PLCH2: variants seen among roughly 807,000 people sequenced by gnomAD.
PLCH2 encodes the protein 1-phosphatidylinositol 4,5-bisphosphate phosphodiesterase eta-2.
Under a neutral mutation model 134.7 loss-of-function variants are expected in PLCH2, and 98 were observed. That is an observed-to-expected ratio of 0.73 (90% CI 0.62 to 0.86). The LOEUF is 0.86. Ranked by LOEUF, PLCH2 falls within the 40% of genes least tolerant of loss-of-function variation. PLCH2 has a pLI of 0.00. For synonymous variants in PLCH2, 974 were observed against 827.5 expected (o/e 1.18, Z -3.04); for missense variants, 1,994 against 1,986.6 (o/e 1.00, Z -0.07).
At position 2,448,926 on chromosome 1, in the gene PLCH2, G is replaced by A. The variant is rs553397279; in HGVS notation, c.115+18297G>A. 1.4e-4 allele frequency among the ~76,000 whole-genome samples: 22 copies of A among 152,314 alleles called. No individual in the cohort carries two copies. The South Asian group carries it at 4.6e-3, about 32-fold the overall frequency. ...GGCACCTGGGGCCTCCAGAATGCTC[G>A]TTTCGTCAAACTGTTGTACGTGGCT... is the stretch of plus-strand genomic sequence containing the variant. On this transcript the variant is annotated intron_variant, in intron 2 of 3. Transcript: ENST00000609981. The surrounding 1 kb of genome is among the most constrained non-coding windows in gnomAD (Gnocchi z 4.0).
At chr1:2,494,826 A>C in intron 11 of PLCH2, 30 bp from the exon 12 acceptor site, 1 of 1,510,236 alleles carries the variant, frequency 6.6e-7, no homozygotes, top group African/African-American at 1.4e-5. Flanking sequence ...GGCTAGACTC[A>C]CCTTGTCCCT....
At chr1:2,464,006 C>T (rs1557975600), upstream of PLCH2, among the ~76,000 whole-genome samples, 1 of 152,270 alleles carries the variant, frequency 6.6e-6, no homozygotes, top group Non-Finnish European at 1.5e-5. Context: ...CTGGAACACA[C>T]TCAGGGCACC....
At chr1:2,422,082 C>T (rs1638545624), upstream of PLCH2, among the ~76,000 whole-genome samples, 1 of 151,826 alleles carries the variant, frequency 6.6e-6, no homozygotes, top group African/African-American at 2.4e-5. Flanking sequence ...ACCATCCTGG[C>T]CAACATGGAA....
At chr1:2,419,113 G>T in the PLCH2 span, among the ~76,000 whole-genome samples, 1 of 152,190 alleles carries the variant, frequency 6.6e-6, no homozygotes, top group African/African-American at 2.4e-5. Context: ...CCATCTGTCT[G>T]CCCAGCTCCT....
chr1:2,418,463 A>T, the PLCH2 span, among the ~76,000 whole-genome samples: 1 of 152,094 alleles, frequency 6.6e-6, no homozygotes, highest in Non-Finnish European at 1.5e-5. Context: ...TGCTAGAAGG[A>T]GGGGCCCCGG....
upstream of PLCH2, among the ~76,000 whole-genome samples, chr1:2,472,415 G>A (rs10910080): frequency 0.34 from 51,036 of 152,134 alleles, 10,321 homozygotes; most frequent in East Asian, 0.61. Context: ...GGGGCAGCAC[G>A]GGAGGGGGAT....
At position 2,497,443 on chromosome 1, in the gene PLCH2, C is replaced by T. The variant is rs541107303; in HGVS notation, c.2117-59C>T. 4.7e-5 allele frequency: 47 copies of T among 1,001,406 alleles called. No homozygotes were observed. In the South Asian group the frequency reaches 5.2e-4, roughly 11 times the overall value. 62.0% of individuals were successfully genotyped at this position (1,001,406 alleles called of 1,614,324 possible). On this transcript the variant is annotated intron_variant, in intron 15 of 21. Coordinates refer to ENST00000378486, the MANE Select transcript of PLCH2 (RefSeq NM_014638.4). Reference sequence around the variant, plus strand: ...AGGCTAGCGTGTGGTGGTGGGTGGGCGGGGCACACACCTGGAAGGTCAGGT... The same window carrying T: ...AGGCTAGCGTGTGGTGGTGGGTGGGTGGGGCACACACCTGGAAGGTCAGGT...
chr1:2,432,370 G>T (rs771170987), intron 2 of PLCH2, among the ~76,000 whole-genome samples: 1 of 152,196 alleles, frequency 6.6e-6, no homozygotes, highest in Non-Finnish European at 1.5e-5. Context: ...GTTGGGGGCC[G>T]TGGGACAGCA....
In PLCH2 at chr1:2,498,269, C is replaced by T. The variant is rs530059549; in HGVS notation, c.2225-254C>T. The T allele has an allele frequency of 8.5e-5, 43 of 504,858 alleles. No homozygotes were observed. Among genetic ancestry groups the T allele is most frequent in the African/African-American group, 7.3e-4 (38 of 51,782 alleles). The allele number at this position is 504,858 out of a possible 1,614,324, so 31.3% of individuals were successfully genotyped here. A position where few individuals can be genotyped will look rare whatever the true frequency, so the allele number is the denominator to read the frequency against. ...GGGACCCAGACCCACCCCCAGAAGC[C>T]ATGTGACCTCCTCGGCTCAGCTGTG... On this transcript the variant is annotated intron_variant, in intron 16 of 21. Transcript: ENST00000378486. The surrounding 1 kb of genome is among the most constrained non-coding windows in gnomAD (Gnocchi z 5.4).
intron 1 of PLCH2, among the ~76,000 whole-genome samples, chr1:2,468,890 G>C (rs1010207225): frequency 4.6e-5 from 7 of 152,310 alleles, no homozygotes; most frequent in South Asian, 2.1e-4. Context: ...TGGGCATTCA[G>C]AGCAAGCCTG....
rs1557999938 is a variant in PLCH2, at chr1:2,480,318, CT to C, written c.645+7del. The stretch of plus-strand genomic sequence containing the variant: ...GGGTGAAGCAGATGTTCAGGGTGAG[CT>C]GGGGGGAGCCCTACCTGGGCTCCAG... On this transcript the variant is annotated splice_region_variant and intron_variant, in intron 4 of 21. Coordinates refer to ENST00000378486, the MANE Select transcript of PLCH2 (RefSeq NM_014638.4). 1 of 1,610,498 alleles carries C rather than the reference CT, an allele frequency of 6.2e-7. No individual in the cohort carries two copies. The highest frequency in any genetic ancestry group is 8.5e-7 in the Non-Finnish European group (1 of 1,178,424).
At chr1:2,447,270 G>A (rs1255198516) in intron 2 of PLCH2, among the ~76,000 whole-genome samples, 1 of 152,200 alleles carries the variant, frequency 6.6e-6, no homozygotes, top group African/African-American at 2.4e-5. Context: ...TGTGGGGGGA[G>A]GCCCATTTGC....
intron 21 of PLCH2, chr1:2,503,551 ACCCTG>A: frequency 1.8e-6 from 1 of 552,146 alleles, no homozygotes. Flanking sequence ...GCCCCACACC[ACCCTG>A]CCCCTCCAGA....
At chr1:2,450,312 G>A (rs986702522) in intron 2 of PLCH2, among the ~76,000 whole-genome samples, 9 of 151,966 alleles carry the variant, frequency 5.9e-5, no homozygotes, top group Non-Finnish European at 1.3e-4. Context: ...CAGCACAGGC[G>A]GCCGGTCCTC....
Position 2,504,765 on chromosome 1 carries a change from G to A in PLCH2, c.3803G>A (p.Ser1268Asn), listed in dbSNP as rs1399936320. The change falls in exon 22 of 22, where the codon AGC becomes AAC. Residue 1268 changes from serine (S) to asparagine (N), a missense_variant. Transcript: ENST00000378486. ...CTCACTGCTGATGACTTTGCCCCTA[G>A]CTTTGAGGGCGGCTCCCGCAGACTG... ...GDLTADDFAP[S>N]FEGGSRRLSH... 2.1e-5 allele frequency: 34 copies of A among 1,612,262 alleles called. No homozygotes were observed. The highest frequency in any genetic ancestry group is 2.7e-5 in the Non-Finnish European group (32 of 1,179,778).
intron 2 of PLCH2, among the ~76,000 whole-genome samples, chr1:2,455,432 T>C (rs1044139172): frequency 6.6e-6 from 1 of 152,184 alleles, no homozygotes; most frequent in Non-Finnish European, 1.5e-5. Context: ...TCCCAGGGCC[T>C]GTGCTAGGTT....
intron 3 of PLCH2, 32 bp from the exon 4 acceptor site, chr1:2,480,151 G>T: frequency 6.2e-7 from 1 of 1,611,500 alleles, no homozygotes; most frequent in Non-Finnish European, 8.5e-7. Flanking sequence ...CTGGGCCCAT[G>T]GATCGCTGTT....
upstream of PLCH2, among the ~76,000 whole-genome samples, chr1:2,423,845 C>T (rs1638641345): frequency 6.6e-6 from 1 of 152,132 alleles, no homozygotes; most frequent in Non-Finnish European, 1.5e-5. Context: ...CAGTAGGCAG[C>T]AACAGTTATG....
rs1171220226 is a variant in PLCH2, at chr1:2,496,704, G to A, written c.1933G>A (p.Ala645Thr). The A allele has an allele frequency of 1.2e-5, 19 of 1,611,500 alleles. No homozygotes were observed. Among genetic ancestry groups the A allele is most frequent in the African/African-American group, 2.7e-5 (2 of 74,902 alleles). ...GGCCACCCACGACATAGAGATGGAGGGTGAGTGGCTCGGGGACCTGGGGCC... is the reference window on the plus strand; with the variant it reads ...GGCCACCCACGACATAGAGATGGAGAGTGAGTGGCTCGGGGACCTGGGGCC... ...SVATHDIEME[A>T]ASSWQVSSFS... is the part of the protein sequence containing the mutation. Residue 645 changes from alanine to threonine, a missense_variant and splice_region_variant, in exon 14 of 22, where the codon GCG (alanine) becomes ACG (threonine). Physicochemically the swap from Ala to Thr is moderately conservative, Grantham distance 58. This residue lies in a region of PLCH2 where 1,094 missense variants were observed against 1,234.3 expected (regional missense o/e 0.89). Coordinates refer to ENST00000378486, the MANE Select transcript of PLCH2 (RefSeq NM_014638.4).
Sources: allele counts gnomAD v4.1 joint callset (sites outside exome capture counted in the v4.1 genomes callset), GRCh38; gene constraint gnomAD v4.1.1; regional missense constraint gnomAD v4.1.1; non-coding constraint Gnocchi (gnomAD v3.1); transcripts MANE v1.5; gene names NCBI Gene and HGNC (gene_info 2026-07-23, HGNC 2026-07-21).